NHS: variants seen among roughly 807,000 people sequenced by gnomAD.
NHS encodes the protein actin remodeling regulator NHS.
In NHS, 5 loss-of-function variants were observed where a neutral mutation model predicts 72.5. The ratio of observed to expected loss-of-function variants is 0.07; its 90% CI spans 0.04 to 0.14. The LOEUF is 0.14. NHS is among the 10% of genes least tolerant of loss of function. NHS has a pLI of 1.00. For missense variants in NHS, 1,072 were observed against 1,355.7 expected (o/e 0.79, Z 3.29); for synonymous variants, 464 against 547.7 (o/e 0.85, Z 2.13).
chrX:17,644,647 A>G (rs1238402873), intron 1 of NHS, among the ~76,000 whole-genome samples: 1 of 111,425 alleles, frequency 9.0e-6, no homozygotes, highest in Non-Finnish European at 1.9e-5. Flanking sequence ...GGAGATAGGG[A>G]GGGATAAAGT....
chrX:17,730,552 T>A (rs1203527964), intron 8 of NHS, among the ~76,000 whole-genome samples: 2 of 111,963 alleles, frequency 1.8e-5, no homozygotes, highest in Non-Finnish European at 3.8e-5. Flanking sequence ...TTCTCTACCA[T>A]ATGAATCTTT....
intron 1 of NHS, among the ~76,000 whole-genome samples, chrX:17,429,351 CG>C (rs2064675592): frequency 9.0e-6 from 1 of 111,110 alleles, no homozygotes; most frequent in Non-Finnish European, 1.9e-5. Flanking sequence ...ATTTGATCCA[CG>C]GCGTCATCAA....
At chrX:17,667,506 G>A (rs1207425903) in intron 1 of NHS, among the ~76,000 whole-genome samples, 1 of 110,934 alleles carries the variant, frequency 9.0e-6, no homozygotes, top group Non-Finnish European at 1.9e-5. Flanking sequence ...TGGAATGCAC[G>A]GCGAGGGCTC....
At chrX:17,662,745 T>G (rs1390342764) in intron 1 of NHS, among the ~76,000 whole-genome samples, 1 of 111,917 alleles carries the variant, frequency 8.9e-6, no homozygotes, top group Non-Finnish European at 1.9e-5. Context: ...TAAGCAGGGT[T>G]TTATGAATGA....
chrX:17,453,004 G>A (rs2064811947), intron 1 of NHS, among the ~76,000 whole-genome samples: 1 of 112,103 alleles, frequency 8.9e-6, no homozygotes, highest in African/African-American at 3.2e-5. Context: ...TTGTACCAGG[G>A]GCGGTCCCTG....
intron 8 of NHS, among the ~76,000 whole-genome samples, chrX:17,731,224 C>CTTTTTTT (rs142686353): frequency 2.9e-5 from 1 of 34,845 alleles, no homozygotes; most frequent in Non-Finnish European, 4.6e-5. Context: ...TAGTTTCTTC[C>CTTTTTTT]TTTTTTTTTT....
At chrX:17,377,385 G>A (rs1038198679) in intron 1 of NHS, among the ~76,000 whole-genome samples, 7 of 113,213 alleles carry the variant, frequency 6.2e-5, no homozygotes, top group Non-Finnish European at 9.4e-5. Flanking sequence ...GAACGACCCA[G>A]GAGGTAGACA....
At chrX:17,478,592 T>C (rs752409188) in intron 1 of NHS, among the ~76,000 whole-genome samples, 1 of 112,052 alleles carries the variant, frequency 8.9e-6, no homozygotes, top group East Asian at 2.8e-4. Flanking sequence ...ACCTAGGACT[T>C]TGTAGACTCT....
chrX:17,586,375 C>G (rs769977441), intron 1 of NHS: 1 of 111,662 alleles, frequency 9.0e-6, no homozygotes, highest in East Asian at 2.8e-4. Context: ...AAAGAAAACC[C>G]AAAGCACACA....
chrX:17,377,210 G>A (rs1434971650), intron 1 of NHS, among the ~76,000 whole-genome samples: 4 of 112,029 alleles, frequency 3.6e-5, no homozygotes, highest in Non-Finnish European at 7.5e-5. Context: ...GGGAAACGAC[G>A]AGGAAGGAAG....
intron 1 of NHS, among the ~76,000 whole-genome samples, chrX:17,648,488 T>G (rs1199435883): frequency 8.9e-6 from 1 of 112,367 alleles, no homozygotes; most frequent in East Asian, 2.8e-4. Flanking sequence ...GGTGGAGAAA[T>G]AGACTCCATA....
intron 1 of NHS, among the ~76,000 whole-genome samples, chrX:17,566,235 G>A (rs1351473426): frequency 1.8e-5 from 2 of 110,338 alleles, no homozygotes; most frequent in African/African-American, 3.3e-5. Context: ...CTCCTGTCTC[G>A]GCCTCCCAAA....
intron 1 of NHS, among the ~76,000 whole-genome samples, chrX:17,673,239 A>G (rs916979536): frequency 2.2e-5 from 2 of 89,616 alleles, no homozygotes; most frequent in African/African-American, 4.1e-5. Flanking sequence ...CACACACACA[A>G]GAAAGCTCGT....
At chrX:17,561,566 GCGCGCGCGCACACACACACA>G (rs2065413682) in intron 1 of NHS, among the ~76,000 whole-genome samples, 1 of 69,112 alleles carries the variant, frequency 1.4e-5, no homozygotes, top group African/African-American at 6.8e-5. Flanking sequence ...ATGCGCGCGC[GCGCGCGCGCACACACACACA>G]CACACACACA....
intron 1 of NHS, among the ~76,000 whole-genome samples, chrX:17,562,940 G>A (rs1007156353): frequency 8.9e-6 from 1 of 111,969 alleles, no homozygotes; most frequent in Admixed American, 9.5e-5. Context: ...AATAGTTGAA[G>A]CATTTTCTCT....
chrX:17,706,222 A>C (rs754449993), intron 3 of NHS, among the ~76,000 whole-genome samples: 1 of 111,057 alleles, frequency 9.0e-6, no homozygotes, highest in South Asian at 3.9e-4. Flanking sequence ...AACAAATTGA[A>C]GGGGATTGAG....
intron 1 of NHS, among the ~76,000 whole-genome samples, chrX:17,473,791 TAAATA>T (rs1335863506): frequency 8.9e-6 from 1 of 112,281 alleles, no homozygotes; most frequent in Non-Finnish European, 1.9e-5. Flanking sequence ...CATAATGGAT[TAAATA>T]AAACACATTA....
chrX:17,399,109 C>CTT (rs975955174), intron 1 of NHS, among the ~76,000 whole-genome samples: 3 of 106,280 alleles, frequency 2.8e-5, no homozygotes, highest in Admixed American at 1.0e-4. Flanking sequence ...TTTTTCTTTT[C>CTT]TTTTTTTTTT....
At chrX:17,551,227 GGTT>G in intron 1 of NHS, among the ~76,000 whole-genome samples, 1 of 111,624 alleles carries the variant, frequency 9.0e-6, no homozygotes, top group East Asian at 2.8e-4. Context: ...TGGGGGCAAA[GGTT>G]TTTGCCTTAT....
Sources: gnomAD v4.1 joint callset for allele counts (sites outside exome capture counted in the v4.1 genomes callset) on GRCh38, gnomAD v4.1.1 for gene constraint, MANE v1.5 for transcripts, NCBI Gene and HGNC (gene_info 2026-07-23, HGNC 2026-07-21) for gene names.